TUBGCP3: variants seen among roughly 807,000 people sequenced by gnomAD.
TUBGCP3 encodes tubulin gamma complex component 3.
TUBGCP3 carries 50 observed loss-of-function variants against 123.1 expected under a neutral mutation model. That is an observed-to-expected ratio of 0.41 (90% CI 0.32 to 0.51). TUBGCP3 has a LOEUF of 0.51. Among genes scored for constraint, TUBGCP3 ranks in the 20% least tolerant of loss-of-function variants. The pLI is 0.36. For synonymous variants in TUBGCP3, 405 were observed against 413.9 expected, an observed-to-expected ratio of 0.98 and a Z score of 0.26; for missense variants, 882 against 1,127.0, an observed-to-expected ratio of 0.78 and a Z score of 3.11.
chr13:112,527,450 T>A lies in TUBGCP3; in HGVS notation c.1370A>T (p.Asp457Val). ...AGTATACTTGTCGTGCCACAGTCGATCTGTTTTAACTGTTGGATCTGATGC... is the reference window on the plus strand; with the variant it reads ...AGTATACTTGTCGTGCCACAGTCGAACTGTTTTAACTGTTGGATCTGATGC... ...FVASDPTVKT[D>V]RLWHDKYTLR... is the part of the protein sequence containing the mutation. The change falls in exon 12 of 22, where the codon GAT becomes GTT. Residue 457 changes from aspartate (D) to valine (V), a missense_variant. By Grantham distance (152) the Asp-to-Val change is radical. Coordinates refer to ENST00000261965, the MANE Select transcript of TUBGCP3 (RefSeq NM_006322.6). 6.2e-7 allele frequency: 1 copy of A among 1,611,834 alleles called. No individual in the cohort carries two copies. Among genetic ancestry groups the A allele is most frequent in the Non-Finnish European group, 8.5e-7 (1 of 1,179,454 alleles).
chr13:112,544,182 A>G (rs9549539), intron 11 of TUBGCP3, among the ~76,000 whole-genome samples: 46,637 of 151,962 alleles, frequency 0.31, 9,730 homozygotes, highest in African/African-American at 0.6. Flanking sequence ...GGCCGGGCGC[A>G]GTGGCTCACG....
intron 19 of TUBGCP3, among the ~76,000 whole-genome samples, chr13:112,500,763 G>A (rs972463972): frequency 1.3e-5 from 2 of 152,228 alleles, no homozygotes; most frequent in Non-Finnish European, 2.9e-5. Context: ...CAACTTTACA[G>A]TTAATGAAGA....
intron 1 of TUBGCP3, among the ~76,000 whole-genome samples, chr13:112,573,516 T>C (rs1881577322): frequency 1.3e-5 from 2 of 152,068 alleles, no homozygotes; most frequent in Non-Finnish European, 2.9e-5. Flanking sequence ...GCAACTGCCT[T>C]AGCCCCAGGA....
Position 112,547,771 on chromosome 13 carries a change from A to G in TUBGCP3, c.1036-19T>C. The G allele has an allele frequency of 6.9e-7, 1 of 1,440,746 alleles. No individual in the cohort carries two copies. Among genetic ancestry groups the G allele is most frequent in the Non-Finnish European group, 9.1e-7 (1 of 1,093,148 alleles). The allele number at this position is 1,440,746 out of a possible 1,614,324, so 89.2% of individuals were successfully genotyped here. A position where few individuals can be genotyped will look rare whatever the true frequency, so the allele number is the denominator to read the frequency against. On this transcript the variant is annotated intron_variant, in intron 9 of 21. Transcript: ENST00000261965. ...GTTGTAGCTAAAAAACAATAAAGAT[A>G]GAAATGTTTAAGTACAAATAACCAC...
chr13:112,550,618 G>T (rs1217287516), intron 8 of TUBGCP3, among the ~76,000 whole-genome samples: 4 of 152,168 alleles, frequency 2.6e-5, no homozygotes, highest in Admixed American at 2.6e-4. Flanking sequence ...GGTAACGTAG[G>T]GCAAGCGCCT....
chr13:112,584,261 G>C (rs1431563072), intron 1 of TUBGCP3: 1 of 152,156 alleles, frequency 6.6e-6, no homozygotes, highest in African/African-American at 2.4e-5. Flanking sequence ...AAAAGCTTTT[G>C]TTTATGTAGG....
At chr13:112,547,464 C>T (rs964554452) in intron 10 of TUBGCP3, 156 bp downstream of exon 10, 31 of 1,233,110 alleles carry the variant, frequency 2.5e-5, no homozygotes, top group Non-Finnish European at 3.2e-5. Context: ...CTGGATGGCG[C>T]ACCCTACAAA....
At chr13:112,567,858 G>GTTAT (rs1881076909) in intron 2 of TUBGCP3, among the ~76,000 whole-genome samples, 1 of 152,234 alleles carries the variant, frequency 6.6e-6, no homozygotes, top group Non-Finnish European at 1.5e-5. Flanking sequence ...GGAAAACTGT[G>GTTAT]CCACGCAGGA....
At chr13:112,555,656 G>A (rs1006463668) in intron 6 of TUBGCP3, among the ~76,000 whole-genome samples, 1 of 152,178 alleles carries the variant, frequency 6.6e-6, no homozygotes, top group Non-Finnish European at 1.5e-5. Flanking sequence ...AAAAGACATA[G>A]CCCCTCTGTG....
chr13:112,493,192 C>T (rs560281342), intron 20 of TUBGCP3, among the ~76,000 whole-genome samples: 1 of 142,158 alleles, frequency 7.0e-6, no homozygotes, highest in Non-Finnish European at 1.5e-5. Flanking sequence ...GTCCCTGAGA[C>T]GCTCTAGCTC....
At chr13:112,539,069 C>G (rs9549536) in intron 11 of TUBGCP3, among the ~76,000 whole-genome samples, 22,201 of 152,214 alleles carry the variant, frequency 0.15, 1,940 homozygotes, top group Non-Finnish European at 0.2. Context: ...ACAAATCAGA[C>G]AAAGCCCACA....
rs376152495 is a variant in TUBGCP3, at chr13:112,498,892, C to T, written c.2448+153G>A. The T allele has an allele frequency of 7.3e-5, 118 of 1,613,296 alleles. No homozygotes were observed. The African/African-American group carries it at 1.3e-3, about 17-fold the overall frequency. ...GTGGCCCCTCCCTCTTTACAACTGT[C>T]AGTGATTTCTCGGGACTTCAAACGC... On this transcript the variant is annotated intron_variant, in intron 20 of 21. Transcript: ENST00000261965.
chr13:112,587,293 T>C (rs1233971906), intron 1 of TUBGCP3: 1 of 152,238 alleles, frequency 6.6e-6, no homozygotes, highest in Admixed American at 6.5e-5. Flanking sequence ...CAGAATAGTT[T>C]TATATCAAAT....
chr13:112,555,070 G>T, intron 6 of TUBGCP3, 65 bp from the exon 7 acceptor site: 1 of 1,002,126 alleles, frequency 1.0e-6, no homozygotes, highest in African/African-American at 1.6e-5. Context: ...TAGATATTAT[G>T]GTGCAATTAG....
At chr13:112,565,209 A>T in intron 2 of TUBGCP3, 31 bp from the exon 3 acceptor site, 1 of 1,582,718 alleles carries the variant, frequency 6.3e-7, no homozygotes. Context: ...TAAGTGTGGT[A>T]ACTACAAACA....
chr13:112,502,941 T>C (rs1881031169), intron 19 of TUBGCP3, among the ~76,000 whole-genome samples: 2 of 152,214 alleles, frequency 1.3e-5, no homozygotes, highest in African/African-American at 4.8e-5. Context: ...AAACACTCCA[T>C]ATAGAAGCAG....
In TUBGCP3 at chr13:112,508,948, C is replaced by T. The variant is rs1033695271; in HGVS notation, c.2087-4234G>A. Among the ~76,000 whole-genome samples the T allele has an allele frequency of 3.9e-5, 6 of 152,312 alleles. No homozygotes were observed. The highest frequency in any genetic ancestry group is 8.8e-5 in the Non-Finnish European group (6 of 68,032). On this transcript the variant is annotated intron_variant, in intron 17 of 21. Coordinates refer to ENST00000261965, the MANE Select transcript of TUBGCP3 (RefSeq NM_006322.6). This position sits in a 1 kb window ranked among gnomAD's most constrained non-coding sequence, Gnocchi z 4.2. ...CCATAAAGGCCAACGTCACCGCACA[C>T]GGATTATTACAACTGGCTGCCCTGC...
chr13:112,566,192 G>A, intron 2 of TUBGCP3, among the ~76,000 whole-genome samples: 1 of 152,310 alleles, frequency 6.6e-6, no homozygotes, highest in South Asian at 2.1e-4. Context: ...TGGGGGAAGA[G>A]AACCTACTTT....
chr13:112,504,391 G>A (rs1881140630), intron 18 of TUBGCP3, among the ~76,000 whole-genome samples: 1 of 151,480 alleles, frequency 6.6e-6, no homozygotes, highest in South Asian at 2.1e-4. Flanking sequence ...AGGAGTCTGA[G>A]GCAGGAGAAT....
Sources: gnomAD v4.1 joint callset for allele counts (sites outside exome capture counted in the v4.1 genomes callset) on GRCh38, gnomAD v4.1.1 for gene constraint, Gnocchi (gnomAD v3.1) non-coding constraint, MANE v1.5 for transcripts, NCBI Gene and HGNC (gene_info 2026-07-23, HGNC 2026-07-21) for gene names.